Variants in MICB observed in about 807,000 individuals in gnomAD.
MICB encodes the protein MHC class I polypeptide-related sequence B, also known as MHC class I antigen-related protein B.
Under a neutral mutation model 34.3 loss-of-function variants are expected in MICB, and 27 were observed. The observed-to-expected ratio is 0.79, with a 90% CI of 0.58 to 1.08. MICB has a LOEUF of 1.08. MICB is among the 50% of genes least tolerant of loss of function. The pLI is 0.00. For missense variants in MICB, 426 were observed against 483.1 expected (o/e 0.88, Z 1.11); for synonymous variants, 153 against 187.4 (o/e 0.82, Z 1.50).
At chr6:31,509,255 T>C (rs1765526262) in intron 5 of MICB, among the ~76,000 whole-genome samples, 1 of 152,136 alleles carries the variant, frequency 6.6e-6, no homozygotes, top group South Asian at 2.1e-4. Flanking sequence ...CGTCTTTCCA[T>C]GCTGGGCCTG....
chr6:31,505,485 T>C (rs896350512), intron 1 of MICB, 132 bp from the exon 2 acceptor site: 124 of 1,304,140 alleles, frequency 9.5e-5, no homozygotes, highest in Non-Finnish European at 1.2e-4. Flanking sequence ...ATATGAAATC[T>C]TCGTTCTTGT....
Position 31,507,203 on chromosome 6 carries a change from G to T in MICB, c.795G>T (p.Gln265His). The change falls in exon 4 of 6, where the codon CAG (glutamine) becomes CAT (histidine). Residue 265 changes from glutamine to histidine, a missense_variant. Coordinates refer to ENST00000252229, the MANE Select transcript of MICB (RefSeq NM_005931.5). This position sits in a 1 kb window ranked among gnomAD's most constrained non-coding sequence, Gnocchi z 6.0. ...TGCCTGATGGGAATGGAACCTACCA[G>T]ACCTGGGTGGCCACCAGGATTCGCC... ...DVLPDGNGTY[Q>H]TWVATRIRQG... The T allele has an allele frequency of 5.0e-6, 8 of 1,614,122 alleles. No individual in the cohort carries two copies. The highest frequency in any genetic ancestry group is 6.8e-6 in the Non-Finnish European group (8 of 1,180,018).
At position 31,507,985 on chromosome 6, in the gene MICB, C is replaced by T. The variant is rs1765450511; in HGVS notation, c.1024+454C>T. ...AACTGGAGAGGAATCCAAGGAGAGGCGATGCCCACCCGTGTGCCTCCTCCA... is the reference window on the plus strand; with the variant it reads ...AACTGGAGAGGAATCCAAGGAGAGGTGATGCCCACCCGTGTGCCTCCTCCA... On this transcript the variant is annotated intron_variant, in intron 5 of 5. Transcript: ENST00000252229. This position sits in a 1 kb window ranked among gnomAD's most constrained non-coding sequence, Gnocchi z 6.0. 6.6e-6 allele frequency among the ~76,000 whole-genome samples: 1 copy of T among 152,134 alleles called. No homozygotes were observed. Among genetic ancestry groups the T allele is most frequent in the African/African-American group, 2.4e-5 (1 of 41,432 alleles).
At chr6:31,496,345 G>A (rs1167287322), upstream of MICB, among the ~76,000 whole-genome samples, 3 of 150,914 alleles carry the variant, frequency 2.0e-5, no homozygotes, top group African/African-American at 7.3e-5. Flanking sequence ...ATCTACTTGG[G>A]AAGATTTTCT....
chr6:31,508,575 C>T (rs571442558), intron 5 of MICB, among the ~76,000 whole-genome samples: 2 of 152,142 alleles, frequency 1.3e-5, no homozygotes, highest in African/African-American at 4.8e-5. Flanking sequence ...CCAGGAGGCA[C>T]CCACAGCAGG....
chr6:31,498,133 C>A, upstream of MICB: 5 of 1,423,410 alleles, frequency 3.5e-6, no homozygotes, highest in Non-Finnish European at 4.8e-6. Context: ...ACGGGGTCTT[C>A]TCACGGGTTT....
chr6:31,498,282 G>A lies in MICB; in HGVS notation c.70+19G>A. On this transcript the variant is annotated intron_variant, in intron 1 of 5. Transcript: ENST00000252229. ...GCCGCTGGTGAGTGGGGTTCCTGGCGGTCCCCGGCGGAGCGGGAGCGGCGG... is the reference window on the plus strand; with the variant it reads ...GCCGCTGGTGAGTGGGGTTCCTGGCAGTCCCCGGCGGAGCGGGAGCGGCGG... 1.3e-6 allele frequency: 2 copies of A among 1,536,026 alleles called. No individual in the cohort carries two copies. The highest frequency in any genetic ancestry group is 2.3e-5 in the South Asian group (2 of 85,940).
Position 31,507,665 on chromosome 6 carries a change from A to ATAC in MICB, c.1024+134_1024+135insTAC. On this transcript the variant is annotated intron_variant, in intron 5 of 5. Transcript: ENST00000252229. This position sits in a 1 kb window ranked among gnomAD's most constrained non-coding sequence, Gnocchi z 6.0. Reference sequence around the variant, plus strand: ...GGGGATGGAAGCTGGGGTATTTGGGAGGGGAATGGGAGCTGCATCTCCATC... The same window carrying ATAC: ...GGGGATGGAAGCTGGGGTATTTGGGATACGGGGAATGGGAGCTGCATCTCCATC... The ATAC allele has an allele frequency of 9.5e-7, 1 of 1,057,824 alleles. No homozygotes were observed. Among genetic ancestry groups the ATAC allele is most frequent in the Non-Finnish European group, 1.4e-6 (1 of 739,400 alleles). The allele number at this position is 1,057,824 out of a possible 1,614,324, so 65.5% of individuals were successfully genotyped here.
intron 1 of MICB, among the ~76,000 whole-genome samples, chr6:31,503,040 CATTG>C (rs1328614161): frequency 2.6e-5 from 4 of 152,130 alleles, no homozygotes; most frequent in Non-Finnish European, 5.9e-5. Flanking sequence ...CGATGTATTA[CATTG>C]ATTGATTTGT....
In MICB at chr6:31,509,776, C is replaced by A. The variant is rs1447739957; in HGVS notation, c.1025-6C>A. Reference sequence around the variant, plus strand: ...TGGAGCATTTACCCGTTTCCCTCTTCTCCAGAGCTTGTGAGCCTGCAGGTC... The same window carrying A: ...TGGAGCATTTACCCGTTTCCCTCTTATCCAGAGCTTGTGAGCCTGCAGGTC... On this transcript the variant is annotated splice_region_variant and splice_polypyrimidine_tract_variant and intron_variant, in intron 5 of 5. Coordinates refer to ENST00000252229, the MANE Select transcript of MICB (RefSeq NM_005931.5). 6.2e-7 allele frequency: 1 copy of A among 1,608,374 alleles called. No individual in the cohort carries two copies. The highest frequency in any genetic ancestry group is 8.5e-7 in the Non-Finnish European group (1 of 1,176,996).
At chr6:31,500,433 T>TA (rs1014604444) in intron 1 of MICB, among the ~76,000 whole-genome samples, 2 of 152,260 alleles carry the variant, frequency 1.3e-5, no homozygotes, top group Non-Finnish European at 2.9e-5. Flanking sequence ...AACAAGCATT[T>TA]ATCCTTTCTT....
In MICB at chr6:31,507,030, A is replaced by G. The variant is rs1452175556; in HGVS notation, c.622A>G (p.Met208Val). Reference protein sequence around the residue: ...GVAIRRTVPPMVNVTCSEVSE... With the variant: ...GVAIRRTVPPVVNVTCSEVSE... ...TGCCCTTTCTTCTCCAGTGCCCCCCATGGTGAATGTCACCTGCAGCGAGGT... is the reference window on the plus strand; with the variant it reads ...TGCCCTTTCTTCTCCAGTGCCCCCCGTGGTGAATGTCACCTGCAGCGAGGT... The change falls in exon 4 of 6, where the codon ATG (methionine) becomes GTG (valine). Residue 208 changes from methionine to valine, a missense_variant. Transcript: ENST00000252229. This position sits in a 1 kb window ranked among gnomAD's most constrained non-coding sequence, Gnocchi z 6.0. The G allele has an allele frequency of 5.0e-6, 8 of 1,613,300 alleles. No homozygotes were observed. Among genetic ancestry groups the G allele is most frequent in the Non-Finnish European group, 5.9e-6 (7 of 1,179,494 alleles).
At chr6:31,497,135 GGGGAA>G (rs1420503383), upstream of MICB, among the ~76,000 whole-genome samples, 8 of 152,270 alleles carry the variant, frequency 5.3e-5, no homozygotes, top group Admixed American at 4.6e-4. Context: ...ACTGAAGGGA[GGGGAA>G]AGCCTAGACT....
intron 5 of MICB, among the ~76,000 whole-genome samples, chr6:31,508,337 C>T (rs1765471017): frequency 6.6e-6 from 1 of 152,188 alleles, no homozygotes; most frequent in Non-Finnish European, 1.5e-5. Context: ...ATTTCCCCCA[C>T]AGTCAGGTTG....
chr6:31,507,736 G>A lies in MICB; in HGVS notation c.1024+205G>A, dbSNP rs115231984. Among the ~76,000 whole-genome samples the A allele has an allele frequency of 0.04, 6,039 of 152,214 alleles. 283 individuals are homozygous for A. The highest frequency in any genetic ancestry group is 0.13 in the East Asian group (669 of 5,148). ...AAGCCAGGGCTGGGGCAAGGCCTTC[G>A]AATATCCAGCTGTGGCCTCCTCCTG... On this transcript the variant is annotated intron_variant, in intron 5 of 5. Coordinates refer to ENST00000252229, the MANE Select transcript of MICB (RefSeq NM_005931.5). The surrounding 1 kb of genome is among the most constrained non-coding windows in gnomAD (Gnocchi z 6.0).
chr6:31,507,256 A>G lies in MICB; in HGVS notation c.848A>G (p.Tyr283Cys), dbSNP rs1304490788. The G allele has an allele frequency of 6.2e-7, 1 of 1,613,924 alleles. No homozygotes were observed. Among genetic ancestry groups the G allele is most frequent in the Non-Finnish European group, 8.5e-7 (1 of 1,179,980 alleles). ...GGAGAGGAGCAGAGGTTCACCTGCTACATGGAACACAGCGGGAATCACGGC... is the reference window on the plus strand; with the variant it reads ...GGAGAGGAGCAGAGGTTCACCTGCTGCATGGAACACAGCGGGAATCACGGC... ...RQGEEQRFTC[Y>C]MEHSGNHGTH... The change falls in exon 4 of 6, where the codon TAC becomes TGC. Residue 283 changes from tyrosine to cysteine, a missense_variant. Coordinates refer to ENST00000252229, the MANE Select transcript of MICB (RefSeq NM_005931.5). The surrounding 1 kb of genome is among the most constrained non-coding windows in gnomAD (Gnocchi z 6.0).
At chr6:31,499,758 C>G (rs937448961) in intron 1 of MICB, among the ~76,000 whole-genome samples, 1 of 152,062 alleles carries the variant, frequency 6.6e-6, no homozygotes, top group Non-Finnish European at 1.5e-5. Context: ...CCCTCCAGCC[C>G]ACAGGTGCTG....
intron 1 of MICB, among the ~76,000 whole-genome samples, chr6:31,500,461 C>T (rs1764959877): frequency 6.6e-6 from 1 of 152,158 alleles, no homozygotes; most frequent in Non-Finnish European, 1.5e-5. Flanking sequence ...CAAACAATCC[C>T]ATTATGCTCT....
intron 1 of MICB, among the ~76,000 whole-genome samples, chr6:31,502,526 T>C (rs1434158879): frequency 6.6e-6 from 1 of 152,242 alleles, no homozygotes; most frequent in Non-Finnish European, 1.5e-5. Context: ...GATTCGTTTC[T>C]TGATTTCTTT....
Sources: allele counts gnomAD v4.1 joint callset (sites outside exome capture counted in the v4.1 genomes callset), GRCh38; gene constraint gnomAD v4.1.1; non-coding constraint Gnocchi (gnomAD v3.1); transcripts MANE v1.5; gene names NCBI Gene and HGNC (gene_info 2026-07-23, HGNC 2026-07-21).